ZNF385D: variants seen among roughly 807,000 people sequenced by gnomAD.
ZNF385D encodes the protein zinc finger protein 659.
A neutral mutation model predicts 35.8 loss-of-function variants in ZNF385D; 15 were observed. That is an observed-to-expected ratio of 0.42 (90% CI 0.28 to 0.64). The LOEUF is 0.64. Ranked by LOEUF, ZNF385D falls within the 30% of genes least tolerant of loss-of-function variation. ZNF385D has a pLI of 0.23. For missense variants in ZNF385D, 474 were observed against 494.6 expected, an observed-to-expected ratio of 0.96 and a Z score of 0.39; for synonymous variants, 212 against 186.8, an observed-to-expected ratio of 1.13 and a Z score of -1.10.
At chr3:21,864,484 T>C (rs927774859) in intron 3 of ZNF385D, among the ~76,000 whole-genome samples, 2 of 152,108 alleles carry the variant, frequency 1.3e-5, no homozygotes, top group Admixed American at 6.6e-5. Flanking sequence ...TGAACCTCAG[T>C]TTCTCTTTTA....
intron 2 of ZNF385D, among the ~76,000 whole-genome samples, chr3:22,299,635 G>T (rs1301252210): frequency 2.0e-5 from 3 of 151,592 alleles, no homozygotes; most frequent in African/African-American, 7.3e-5. Context: ...TTTCAGGATA[G>T]AAAATCAACA....
chr3:22,224,178 A>G (rs926120608), intron 2 of ZNF385D, among the ~76,000 whole-genome samples: 6 of 152,214 alleles, frequency 3.9e-5, no homozygotes, highest in African/African-American at 1.4e-4. Context: ...AATAAAATAT[A>G]AGTATAAATG....
At chr3:21,648,773 C>A (rs1471711304) in intron 2 of ZNF385D, among the ~76,000 whole-genome samples, 6 of 152,148 alleles carry the variant, frequency 3.9e-5, no homozygotes, top group Admixed American at 3.9e-4. Context: ...ACCCTCACAG[C>A]TACCCAAGAC....
At chr3:21,771,234 T>C (rs1460129748) in intron 3 of ZNF385D, among the ~76,000 whole-genome samples, 1 of 150,634 alleles carries the variant, frequency 6.6e-6, no homozygotes, top group Non-Finnish European at 1.5e-5. Flanking sequence ...GAACTTAAAG[T>C]ATAATAATAA....
chr3:21,691,371 G>T (rs1053815640), intron 1 of ZNF385D, among the ~76,000 whole-genome samples: 6 of 151,906 alleles, frequency 3.9e-5, no homozygotes, highest in Non-Finnish European at 8.8e-5. Context: ...CACAGCAGAT[G>T]TTCCACAGTT....
intron 3 of ZNF385D, among the ~76,000 whole-genome samples, chr3:21,818,185 G>T (rs895181736): frequency 1.3e-5 from 2 of 151,988 alleles, no homozygotes; most frequent in African/African-American, 4.8e-5. Context: ...TCGTGATGGG[G>T]GTGGGGATGG....
chr3:22,254,539 A>T (rs1427150755), intron 2 of ZNF385D, among the ~76,000 whole-genome samples: 1 of 151,850 alleles, frequency 6.6e-6, no homozygotes, highest in South Asian at 2.1e-4. Flanking sequence ...TCCTAAATAC[A>T]CAAATAGATT....
At chr3:21,583,102 T>C (rs1383531930) in intron 2 of ZNF385D, among the ~76,000 whole-genome samples, 2 of 152,138 alleles carry the variant, frequency 1.3e-5, no homozygotes, top group South Asian at 2.1e-4. Flanking sequence ...TAGAAGCATA[T>C]ATACAATTTT....
intron 2 of ZNF385D, among the ~76,000 whole-genome samples, chr3:22,300,899 T>C (rs188828881): frequency 9.9e-5 from 15 of 152,088 alleles, no homozygotes; most frequent in African/African-American, 3.6e-4. Flanking sequence ...AAATTAAACA[T>C]AGAACTACCA....
intron 2 of ZNF385D, among the ~76,000 whole-genome samples, chr3:22,174,912 A>G (rs1694713545): frequency 6.6e-6 from 1 of 152,098 alleles, no homozygotes. Context: ...TGAAAAAATA[A>G]AATTTAATGT....
intron 3 of ZNF385D, among the ~76,000 whole-genome samples, chr3:21,778,156 TAGAA>T (rs2071359556): frequency 6.6e-6 from 1 of 151,950 alleles, no homozygotes; most frequent in Non-Finnish European, 1.5e-5. Context: ...ACTCCACAGT[TAGAA>T]AGAAAGCCAA....
At chr3:21,640,578 T>C (rs1280611417) in intron 2 of ZNF385D, among the ~76,000 whole-genome samples, 9 of 151,926 alleles carry the variant, frequency 5.9e-5, no homozygotes, top group Non-Finnish European at 1.3e-4. Context: ...TACTAGAGAA[T>C]CCTCTCTCCT....
At chr3:21,937,186 T>C (rs553397508) in intron 3 of ZNF385D, among the ~76,000 whole-genome samples, 3 of 152,100 alleles carry the variant, frequency 2.0e-5, no homozygotes, top group Non-Finnish European at 4.4e-5. Flanking sequence ...TAGTATGATA[T>C]ACACTATTTT....
intron 3 of ZNF385D, among the ~76,000 whole-genome samples, chr3:21,979,171 G>A (rs1331668455): frequency 6.6e-6 from 1 of 151,974 alleles, no homozygotes; most frequent in Non-Finnish European, 1.5e-5. Context: ...AGTCTGGGCT[G>A]GGTCCAAACA....
intron 2 of ZNF385D, among the ~76,000 whole-genome samples, chr3:22,274,787 T>A (rs897994796): frequency 2.1e-4 from 12 of 57,954 alleles, no homozygotes; most frequent in Admixed American, 5.1e-4. Flanking sequence ...GTTAGTACTT[T>A]TTTTTTTTTT....
chr3:22,140,079 C>T (rs761507055), intron 3 of ZNF385D, among the ~76,000 whole-genome samples: 64 of 152,168 alleles, frequency 4.2e-4, no homozygotes, highest in Admixed American at 1.0e-3. Context: ...TACCACCCAA[C>T]CCATCAATTT....
Position 21,608,690 on chromosome 3 carries a change from A to C in ZNF385D, c.166-44006T>G, listed in dbSNP as rs184007178. ...TGTTATTTTAACTCTGATCATCTGC[A>C]GAGTGACTTTTCCCATGTTTTACCC... On this transcript the variant is annotated intron_variant, in intron 2 of 7. Coordinates refer to ENST00000281523, the MANE Select transcript of ZNF385D (RefSeq NM_024697.3). Among the ~76,000 whole-genome samples, 72 of 152,352 alleles carry C rather than the reference A, an allele frequency of 4.7e-4. 1 individual carries two copies. In the East Asian group the frequency reaches 0.011, roughly 23 times the overall value.
chr3:21,909,173 T>G (rs1381759884), intron 3 of ZNF385D, among the ~76,000 whole-genome samples: 1 of 152,076 alleles, frequency 6.6e-6, no homozygotes, highest in Non-Finnish European at 1.5e-5. Context: ...CTGTGAGACA[T>G]AAGTTCGTCC....
At chr3:22,303,835 T>C (rs1032472601) in intron 2 of ZNF385D, among the ~76,000 whole-genome samples, 1 of 152,216 alleles carries the variant, frequency 6.6e-6, no homozygotes, top group African/African-American at 2.4e-5. Flanking sequence ...TAGAGTGCAA[T>C]GGCGCAATCT....
Sources: gnomAD v4.1 joint callset for allele counts (sites outside exome capture counted in the v4.1 genomes callset) on GRCh38, gnomAD v4.1.1 for gene constraint, MANE v1.5 for transcripts, NCBI Gene and HGNC (gene_info 2026-07-23, HGNC 2026-07-21) for gene names.